The following ZNF43 variants were observed in gnomAD, a reference collection of about 807,000 sequenced individuals.
ZNF43 encodes zinc finger protein 43, also known as zinc finger protein 39-like 1 (KOX 27).
Under a neutral mutation model 68.4 loss-of-function variants are expected in ZNF43, and 44 were observed. The ratio of observed to expected loss-of-function variants is 0.64; its 90% confidence interval spans 0.51 to 0.83. The LOEUF (loss-of-function observed/expected upper bound fraction) is 0.83. Ranked by LOEUF, ZNF43 falls within the 40% of genes least tolerant of loss-of-function variation. The pLI is 0.00. For synonymous variants in ZNF43, 308 were observed against 307.8 expected (o/e 1.00, Z -0.01); for missense variants, 896 against 933.2 (o/e 0.96, Z 0.52).
chr19:21,811,993 AACT>A lies in ZNF43; in HGVS notation c.230-2189_230-2187del, dbSNP rs1473659428. ...AGCAAAGAAAAGAACAGAAAAATTT[AACT>A]ACACTATACCTCGAAATTACTGTAC... On this transcript the variant is annotated intron_variant, in intron 3 of 3. Transcript: ENST00000354959. 2.3e-5 allele frequency: 9 copies of A among 398,704 alleles called. No individual in the cohort carries two copies. The East Asian group carries it at 2.9e-4, about 13-fold the overall frequency. The allele number at this position is 398,704 out of a possible 1,614,324, so 24.7% of individuals were successfully genotyped here.
intron 1 of ZNF43, among the ~76,000 whole-genome samples, chr19:21,849,080 G>C (rs1317477153): frequency 1.3e-5 from 2 of 152,202 alleles, no homozygotes; most frequent in Non-Finnish European, 2.9e-5. Context: ...CACTGTGTGA[G>C]GGTGACAATT....
rs530012727 is a variant in ZNF43 at position 21,836,136 on chromosome 19, A to G, written c.-98T>C. On this transcript the variant is annotated 5_prime_UTR_variant, in exon 1 of 4. Coordinates refer to ENST00000354959, the MANE Select transcript of ZNF43 (RefSeq NM_003423.4). ...GGCTGGACCTCTAGCAGCAGAGGACACAGAAGAACGAAGACGAGACGCAGA... is the reference window on the plus strand; with the variant it reads ...GGCTGGACCTCTAGCAGCAGAGGACGCAGAAGAACGAAGACGAGACGCAGA... 6.3e-6 allele frequency: 10 copies of G among 1,595,526 alleles called. No individual in the cohort carries two copies. The African/African-American group carries it at 1.1e-4, about 17-fold the overall frequency.
At chr19:21,816,416 C>G (rs1381907003) in intron 3 of ZNF43, among the ~76,000 whole-genome samples, 2 of 152,134 alleles carry the variant, frequency 1.3e-5, no homozygotes, top group Non-Finnish European at 2.9e-5. Context: ...AAGGAGTTTT[C>G]TTTTTCAGAA....
chr19:21,819,568 A>G (rs953317445), intron 1 of ZNF43, among the ~76,000 whole-genome samples: 2 of 152,312 alleles, frequency 1.3e-5, no homozygotes, highest in Admixed American at 1.3e-4. Context: ...AGATAAAGAC[A>G]TGTTGAGTTA....
At position 21,807,422 on chromosome 19, in the gene ZNF43, C is replaced by A. The variant is rs1449400865; in HGVS notation, c.*185G>T. ...TTTTCCACATTCTTTGTGTATATAC[C>A]TTTTTCCAAGTAAAAATTCTTTCCT... On this transcript the variant is annotated 3_prime_UTR_variant, in exon 4 of 4. Coordinates refer to ENST00000354959, the MANE Select transcript of ZNF43 (RefSeq NM_003423.4). The A allele has an allele frequency of 1.8e-6, 1 of 549,778 alleles. No homozygotes were observed. 34.1% of individuals were successfully genotyped at this position (549,778 alleles called of 1,614,324 possible). A position where few individuals can be genotyped will look rare whatever the true frequency, so the allele number is the denominator to read the frequency against.
intron 1 of ZNF43, among the ~76,000 whole-genome samples, chr19:21,834,751 T>C (rs2038609269): frequency 7.5e-6 from 1 of 134,226 alleles, no homozygotes; most frequent in African/African-American, 2.8e-5. Flanking sequence ...AGAGGAAGGA[T>C]GGAAGCAAGG....
intron 1 of ZNF43, among the ~76,000 whole-genome samples, chr19:21,846,371 T>C (rs114801595): frequency 6.6e-6 from 1 of 152,170 alleles, no homozygotes; most frequent in Admixed American, 6.5e-5. Context: ...AAGAATCACA[T>C]CACCTGTGTG....
chr19:21,836,752 TTTG>T (rs1427319396), upstream of ZNF43, among the ~76,000 whole-genome samples: 1 of 152,114 alleles, frequency 6.6e-6, no homozygotes, highest in South Asian at 2.1e-4. Context: ...GCTCAGCTAA[TTTG>T]TTATCATATT....
chr19:21,848,913 T>C lies in ZNF43; in HGVS notation c.30+2992A>G, dbSNP rs367898332. 3.5e-4 allele frequency among the ~76,000 whole-genome samples: 53 copies of C among 152,306 alleles called. 1 individual carries two copies. Among genetic ancestry groups the C allele is most frequent in the African/African-American group, 1.2e-3 (49 of 41,566 alleles). On this transcript the variant is annotated intron_variant, in intron 1 of 3. Transcript: ENST00000357491. ...TCAACATGTCCTCAGGAAGGTAGAC[T>C]TCTCATTGGTTCAGATTGAAAAATT...
At chr19:21,839,219 AAAG>A (rs1008262673), upstream of ZNF43, among the ~76,000 whole-genome samples, 25 of 152,132 alleles carry the variant, frequency 1.6e-4, no homozygotes, top group African/African-American at 5.1e-4. Context: ...GATGAAGAAA[AAAG>A]AATATGTCAT....
At chr19:21,825,219 A>G (rs1435292137) in intron 1 of ZNF43, among the ~76,000 whole-genome samples, 3 of 151,988 alleles carry the variant, frequency 2.0e-5, no homozygotes, top group African/African-American at 7.3e-5. Flanking sequence ...GGGCAACAAG[A>G]GTGAAACTGT....
At chr19:21,827,447 C>T (rs563236057) in intron 1 of ZNF43, among the ~76,000 whole-genome samples, 18 of 152,028 alleles carry the variant, frequency 1.2e-4, no homozygotes, top group African/African-American at 4.3e-4. Context: ...CTGCAACCTC[C>T]GCCTCCCAGG....
chr19:21,849,464 GACA>G (rs1968182832), intron 1 of ZNF43, among the ~76,000 whole-genome samples: 2 of 116,986 alleles, frequency 1.7e-5, no homozygotes, highest in South Asian at 5.4e-4. Context: ...CTCCAGCCTG[GACA>G]ACAAGGGCAA....
At chr19:21,835,828 C>T (rs1024895291) in intron 1 of ZNF43, among the ~76,000 whole-genome samples, 6 of 152,346 alleles carry the variant, frequency 3.9e-5, no homozygotes, top group Admixed American at 3.3e-4. Flanking sequence ...CCACAGAGGG[C>T]TGCAGGCCGG....
chr19:21,851,619 G>A (rs1233657086), intron 1 of ZNF43, among the ~76,000 whole-genome samples: 1 of 151,794 alleles, frequency 6.6e-6, no homozygotes, highest in Non-Finnish European at 1.5e-5. Flanking sequence ...CACACACCGA[G>A]TCGGGATTCT....
chr19:21,809,445 T>C lies in ZNF43; in HGVS notation c.592A>G (p.Arg198Gly), dbSNP rs570770557. 182 of 1,613,784 alleles carry C rather than the reference T, an allele frequency of 1.1e-4. No homozygotes were observed. Among genetic ancestry groups the C allele is most frequent in the Middle Eastern group, 6.6e-4 (4 of 6,056 alleles). ...TTTTCACATTTGCAGAAATTCACTC[T>C]GGTATGAATTATTTTATGTTGAGCT... The part of the protein sequence containing the change: ...HLAQHKIIHT[R>G]VNFCKCEKCG... The change falls in exon 4 of 4, where the codon AGA becomes GGA. Residue 198 changes from arginine (R) to glycine (G), a missense_variant. Arg to Gly is a moderately radical substitution (Grantham distance 125). Coordinates refer to ENST00000354959, the MANE Select transcript of ZNF43 (RefSeq NM_003423.4).
intron 1 of ZNF43, among the ~76,000 whole-genome samples, chr19:21,825,399 T>C (rs112483493): frequency 0.034 from 5,227 of 152,298 alleles, 321 homozygotes; most frequent in African/African-American, 0.12. Context: ...CTTGTGGCAA[T>C]AGCAAATAGT....
Position 21,808,479 on chromosome 19 carries a change from T to C in ZNF43, c.1558A>G (p.Lys520Glu), listed in dbSNP as rs2037082280. 6.2e-7 allele frequency: 1 copy of C among 1,613,436 alleles called. No individual in the cohort carries two copies. The change falls in exon 4 of 4, where the codon AAG becomes GAG. Residue 520 changes from lysine to glutamate, a missense_variant. Physicochemically the swap from Lys to Glu is moderately conservative, Grantham distance 56 (BLOSUM62 1). Coordinates refer to ENST00000354959, the MANE Select transcript of ZNF43 (RefSeq NM_003423.4). ...TGTTCAGTAAGCTTTGAGGACCACT[T>C]AAAAGCTTTGCCACATTCTTCACAT... The part of the protein sequence containing the change: ...YKCEECGKAF[K>E]WSSKLTEHKI...
chr19:21,834,251 T>C (rs1357735074), intron 1 of ZNF43, among the ~76,000 whole-genome samples: 1 of 144,086 alleles, frequency 6.9e-6, no homozygotes, highest in Non-Finnish European at 1.5e-5. Flanking sequence ...AGCAAAAGAA[T>C]CACTTGAATC....
Sources: allele counts gnomAD v4.1 joint callset (sites outside exome capture counted in the v4.1 genomes callset), GRCh38; gene constraint gnomAD v4.1.1; transcripts MANE v1.5; gene names NCBI Gene and HGNC (gene_info 2026-07-23, HGNC 2026-07-21).